Variants in MLLT3 observed in about 807,000 individuals in gnomAD.
MLLT3 encodes the protein MLLT3 super elongation complex subunit, also known as protein AF-9.
MLLT3 carries 4 observed loss-of-function variants against 53.2 expected under a neutral mutation model. That is an observed-to-expected ratio of 0.08 (90% CI 0.04 to 0.17). The LOEUF (loss-of-function observed/expected upper bound fraction) is 0.17. Among genes scored for constraint, MLLT3 ranks in the 10% least tolerant of loss-of-function variants. The probability of loss-of-function intolerance (pLI) is 1.00; values close to 1 mark genes in which losing one functional copy is unlikely to be tolerated. For missense variants in MLLT3, 569 were observed against 684.0 expected, an observed-to-expected ratio of 0.83 and a Z score of 1.87; for synonymous variants, 283 against 230.6, an observed-to-expected ratio of 1.23 and a Z score of -2.06.
chr9:20,582,604 G>C (rs1819823477), intron 2 of MLLT3, among the ~76,000 whole-genome samples: 1 of 152,180 alleles, frequency 6.6e-6, no homozygotes, highest in South Asian at 2.1e-4. Context: ...AAGAAAAAGA[G>C]GTTTAATTGG....
In MLLT3 at chr9:20,413,839, C is replaced by T. The variant is rs1429423144; in HGVS notation, c.1007G>A (p.Gly336Glu). 6.2e-7 allele frequency: 1 copy of T among 1,614,096 alleles called. No homozygotes were observed. Among genetic ancestry groups the T allele is most frequent in the Non-Finnish European group, 8.5e-7 (1 of 1,180,022 alleles). Residue 336 changes from glycine to glutamate, a missense_variant, in exon 5 of 11, where the codon GGA becomes GAA. Physicochemically the swap from Gly to Glu is moderately conservative, Grantham distance 98. Transcript: ENST00000380338. The stretch of plus-strand genomic sequence containing the variant: ...TGTCTCACTTTCAATTTTGACCTTT[C>T]CCATCTTGACATGAGATTTATCTTT... ...QIKDKSHVKM[G>E]KVKIESETSE...
At chr9:20,364,512 T>A (rs530514190) in intron 6 of MLLT3, among the ~76,000 whole-genome samples, 1 of 152,304 alleles carries the variant, frequency 6.6e-6, no homozygotes, top group Non-Finnish European at 1.5e-5. Context: ...ATTAGGCAAT[T>A]CCTAAAGTCC....
intron 2 of MLLT3, among the ~76,000 whole-genome samples, chr9:20,619,591 T>C (rs71504739): frequency 6.6e-6 from 1 of 152,230 alleles, no homozygotes; most frequent in Non-Finnish European, 1.5e-5. Context: ...CTACTAACCA[T>C]TGTGTCGACT....
intron 4 of MLLT3, among the ~76,000 whole-genome samples, chr9:20,430,766 G>T (rs913718467): frequency 2.0e-5 from 3 of 151,960 alleles, no homozygotes; most frequent in Admixed American, 1.3e-4. Flanking sequence ...TTAAGAATTT[G>T]TTTATCAAAA....
At chr9:20,485,462 C>T (rs1182560239) in intron 2 of MLLT3, among the ~76,000 whole-genome samples, 1 of 152,140 alleles carries the variant, frequency 6.6e-6, no homozygotes, top group Non-Finnish European at 1.5e-5. Context: ...TAATTGGCTC[C>T]TAGAATGATT....
chr9:20,551,413 C>T (rs1199167376), intron 2 of MLLT3, among the ~76,000 whole-genome samples: 3 of 152,196 alleles, frequency 2.0e-5, no homozygotes, highest in Non-Finnish European at 4.4e-5. Context: ...ATTTTCCCAA[C>T]TTCCTTTTGG....
intron 2 of MLLT3, among the ~76,000 whole-genome samples, chr9:20,567,017 C>T (rs1011591255): frequency 6.6e-6 from 1 of 152,074 alleles, no homozygotes; most frequent in Non-Finnish European, 1.5e-5. Context: ...CACCGTCCAG[C>T]AACCGCATAT....
chr9:20,346,395 C>CAAAAAAAAAAAAAAAAAAAAAAA lies in MLLT3; in HGVS notation c.*47_*48insTTTTTTTTTTTTTTTTTTTTTTT. ...AATCACAACCAAAAAAAAAAAAAAC[C>CAAAAAAAAAAAAAAAAAAAAAAA]AAAAAAAAAAAACACAATAGTTCTT... On this transcript the variant is annotated 3_prime_UTR_variant, in exon 11 of 11. Transcript: ENST00000380338. The CAAAAAAAAAAAAAAAAAAAAAAA allele has an allele frequency of 1.0e-6, 1 of 1,001,574 alleles. No individual in the cohort carries two copies. The highest frequency in any genetic ancestry group is 1.3e-6 in the Non-Finnish European group (1 of 764,780). 62.0% of individuals were successfully genotyped at this position (1,001,574 alleles called of 1,614,324 possible).
intron 2 of MLLT3, among the ~76,000 whole-genome samples, chr9:20,600,125 C>CA (rs753042376): frequency 0.066 from 5,861 of 88,404 alleles, 271 homozygotes; most frequent in African/African-American, 0.18. Flanking sequence ...CAATGTTGTC[C>CA]AAAAAAAAAA....
At chr9:20,464,277 A>C (rs896055383) in intron 2 of MLLT3, among the ~76,000 whole-genome samples, 2 of 152,192 alleles carry the variant, frequency 1.3e-5, no homozygotes, top group Admixed American at 6.5e-5. Context: ...CAAATTAATT[A>C]AATTCAACAA....
chr9:20,495,245 G>A (rs1013320832), intron 2 of MLLT3, among the ~76,000 whole-genome samples: 3 of 152,168 alleles, frequency 2.0e-5, no homozygotes, highest in Non-Finnish European at 4.4e-5. Flanking sequence ...TTGCTTCTCA[G>A]CGTGCTCTGC....
At chr9:20,463,979 C>G (rs1824173820) in intron 2 of MLLT3, among the ~76,000 whole-genome samples, 1 of 151,830 alleles carries the variant, frequency 6.6e-6, no homozygotes, top group Non-Finnish European at 1.5e-5. Context: ...TCTGAAACCC[C>G]AGTTCTTCTT....
intron 2 of MLLT3, among the ~76,000 whole-genome samples, chr9:20,583,255 C>T (rs951569758): frequency 6.6e-6 from 1 of 152,170 alleles, no homozygotes; most frequent in Admixed American, 6.5e-5. Flanking sequence ...GAGGTGGGTT[C>T]GTGGTCTTGG....
At chr9:20,426,118 C>A (rs1455542500) in intron 4 of MLLT3, among the ~76,000 whole-genome samples, 1 of 151,976 alleles carries the variant, frequency 6.6e-6, no homozygotes, top group African/African-American at 2.4e-5. Flanking sequence ...TATATACTCC[C>A]TGACTTGCTA....
chr9:20,613,704 T>C (rs965442793), intron 2 of MLLT3, among the ~76,000 whole-genome samples: 1 of 151,994 alleles, frequency 6.6e-6, no homozygotes, highest in Non-Finnish European at 1.5e-5. Flanking sequence ...GCTAATCATA[T>C]AAATGCAAAC....
intron 2 of MLLT3, among the ~76,000 whole-genome samples, chr9:20,519,008 T>C (rs539276095): frequency 6.6e-6 from 1 of 152,220 alleles, no homozygotes; most frequent in South Asian, 2.1e-4. Flanking sequence ...AATTCTTCCT[T>C]CCTATAAAAG....
At chr9:20,510,319 G>C (rs1432983787) in intron 2 of MLLT3, among the ~76,000 whole-genome samples, 1 of 152,104 alleles carries the variant, frequency 6.6e-6, no homozygotes, top group Non-Finnish European at 1.5e-5. Context: ...ACAAATAAAA[G>C]ATCAATTTTG....
intron 2 of MLLT3, among the ~76,000 whole-genome samples, chr9:20,583,461 G>T (rs1380506463): frequency 6.6e-6 from 1 of 152,242 alleles, no homozygotes; most frequent in Non-Finnish European, 1.5e-5. Flanking sequence ...CTGTGTGGGG[G>T]CTCCGACCCC....
At chr9:20,386,110 C>T (rs936989185) in intron 5 of MLLT3, among the ~76,000 whole-genome samples, 4 of 152,006 alleles carry the variant, frequency 2.6e-5, no homozygotes, top group African/African-American at 7.3e-5. Context: ...GTAGAGATGC[C>T]GTGCCATTTG....
Sources: allele counts gnomAD v4.1 joint callset (sites outside exome capture counted in the v4.1 genomes callset), GRCh38; gene constraint gnomAD v4.1.1; transcripts MANE v1.5; gene names NCBI Gene and HGNC (gene_info 2026-07-23, HGNC 2026-07-21).